SPATA3: variants seen among roughly 807,000 people sequenced by gnomAD.
The protein encoded by SPATA3 is spermatogenesis-associated protein 3.
In SPATA3, 6 loss-of-function variants were observed where a neutral mutation model predicts 5.7. The observed-to-expected ratio is 1.06, with a 90% CI of 0.58 to 2.09. The LOEUF (loss-of-function observed/expected upper bound fraction) is 2.09. Ranked by LOEUF, SPATA3 falls within the 30% of genes most tolerant of loss-of-function variation. The pLI is 0.00. For missense variants in SPATA3, 155 were observed against 130.4 expected, an observed-to-expected ratio of 1.19 and a Z score of -0.92; for synonymous variants, 44 against 48.4, an observed-to-expected ratio of 0.91 and a Z score of 0.37.
chr2:231,016,881 T>C (rs992793876), intron 6 of SPATA3, among the ~76,000 whole-genome samples: 4 of 152,152 alleles, frequency 2.6e-5, no homozygotes, highest in African/African-American at 9.7e-5. Flanking sequence ...CCTTCTCTCC[T>C]CTCAATAGCT....
At chr2:231,005,493 CCACCATCAT>C (rs1692577636), downstream of SPATA3, among the ~76,000 whole-genome samples, 1 of 810 alleles carries the variant, frequency 1.2e-3, no homozygotes, top group African/African-American at 4.5e-3. Flanking sequence ...ACCACCATCA[CCACCATCAT>C]CACCACCACC....
At chr2:231,015,455 C>G (rs1324492380) in intron 6 of SPATA3, among the ~76,000 whole-genome samples, 1 of 152,048 alleles carries the variant, frequency 6.6e-6, no homozygotes, top group Non-Finnish European at 1.5e-5. Context: ...CAGAAATGCC[C>G]CGTGTACCAA....
At chr2:230,999,574 A>C (rs2136474) in intron 1 of SPATA3, 64,903 of 154,608 alleles carry the variant, frequency 0.42, 13,808 homozygotes, top group South Asian at 0.51. Flanking sequence ...TGTCAAGAAG[A>C]CGCAGGGCTA....
chr2:231,009,193 A>T (rs877793), downstream of SPATA3, among the ~76,000 whole-genome samples: 49,223 of 152,068 alleles, frequency 0.32, 8,109 homozygotes, highest in Non-Finnish European at 0.35. Flanking sequence ...CTGGGCAGCT[A>T]AAAACAGCAC....
Position 231,000,542 on chromosome 2 carries a change from C to T in SPATA3, c.962+5C>T, listed in dbSNP as rs1325927727. 1.3e-6 allele frequency: 2 copies of T among 1,513,922 alleles called. No homozygotes were observed. The highest frequency in any genetic ancestry group is 4.3e-5 in the Admixed American group (2 of 46,846). The allele number at this position is 1,513,922 out of a possible 1,614,324, so 93.8% of individuals were successfully genotyped here. ...CAACCTGCTCACCTTCTACAGGTTC[C>T]AAGCGCGAGGGGCTGGAGCCTCGGG... is the stretch of plus-strand genomic sequence containing the variant. On this transcript the variant is annotated splice_donor_5th_base_variant and intron_variant, in intron 2 of 2. Coordinates refer to ENST00000645363, the Ensembl canonical transcript of SPATA3.
exon 5 of SPATA3, chr2:231,012,675 T>C (rs1692818388): frequency 6.6e-6 from 1 of 152,202 alleles, no homozygotes. Flanking sequence ...TGAAAGAGAC[T>C]TGGGCTACTG....
intron 6 of SPATA3, among the ~76,000 whole-genome samples, chr2:231,018,610 G>A (rs1692990834): frequency 6.6e-6 from 1 of 152,132 alleles, no homozygotes; most frequent in South Asian, 2.1e-4. Context: ...CAGCAGGGGA[G>A]GGAGAGATAT....
downstream of SPATA3, among the ~76,000 whole-genome samples, chr2:231,005,362 C>T (rs2125109185): frequency 6.9e-6 from 1 of 144,004 alleles, no homozygotes; most frequent in Non-Finnish European, 1.5e-5. Context: ...TCACCACCAC[C>T]ACCATCATCA....
downstream of SPATA3, among the ~76,000 whole-genome samples, chr2:231,011,578 A>G (rs113791519): frequency 1.1e-4 from 17 of 151,868 alleles, no homozygotes; most frequent in African/African-American, 4.1e-4. Context: ...CCTGGTCTCC[A>G]TCCTCCCCAC....
chr2:231,018,163 G>T (rs12617863), intron 6 of SPATA3, among the ~76,000 whole-genome samples: 50,675 of 151,900 alleles, frequency 0.33, 8,701 homozygotes, highest in Non-Finnish European at 0.37. Flanking sequence ...GACCTCAGGT[G>T]ATCCGCCCGC....
At chr2:230,997,012 T>G (rs1692149357) in intron 1 of SPATA3, among the ~76,000 whole-genome samples, 1 of 152,172 alleles carries the variant, frequency 6.6e-6, no homozygotes. Context: ...GACCATTTAG[T>G]GTATGACAGT....
At chr2:230,998,271 T>C (rs1245104451) in intron 1 of SPATA3, among the ~76,000 whole-genome samples, 1 of 152,252 alleles carries the variant, frequency 6.6e-6, no homozygotes, top group Non-Finnish European at 1.5e-5. Context: ...GATCCTTCCA[T>C]GGCCAGGAAT....
chr2:231,018,214 C>T (rs897880206), intron 6 of SPATA3, among the ~76,000 whole-genome samples: 11 of 152,114 alleles, frequency 7.2e-5, no homozygotes, highest in East Asian at 1.9e-4. Context: ...CATGAGCCAC[C>T]GCACCCATCA....
downstream of SPATA3, among the ~76,000 whole-genome samples, chr2:231,009,681 C>T (rs535262583): frequency 3.3e-5 from 5 of 152,340 alleles, no homozygotes; most frequent in South Asian, 6.2e-4. Flanking sequence ...GACCACATGC[C>T]GGAGTCCCTG....
downstream of SPATA3, among the ~76,000 whole-genome samples, chr2:231,005,484 C>A (rs796619679): frequency 8.7e-5 from 1 of 11,514 alleles, no homozygotes; most frequent in Non-Finnish European, 1.8e-4. Context: ...ATCACCACCA[C>A]CACCATCACC....
intron 6 of SPATA3, among the ~76,000 whole-genome samples, chr2:231,018,065 C>T (rs1320755086): frequency 6.6e-6 from 1 of 152,088 alleles, no homozygotes; most frequent in Non-Finnish European, 1.5e-5. Flanking sequence ...GCTGGGATTA[C>T]AGGAGCACAC....
chr2:231,016,016 T>C (rs1692925341), intron 6 of SPATA3, among the ~76,000 whole-genome samples: 1 of 152,188 alleles, frequency 6.6e-6, no homozygotes, highest in Non-Finnish European at 1.5e-5. Flanking sequence ...CCTCACCTCT[T>C]TGGGCATGGG....
chr2:231,002,652 C>G, intron 2 of SPATA3, 32 bp from the exon 3 acceptor site: 2 of 1,385,368 alleles, frequency 1.4e-6, no homozygotes, highest in African/African-American at 3.0e-5. Flanking sequence ...AGCCCAGCTT[C>G]CCACCACCCC....
At chr2:231,007,790 G>A (rs963697579), downstream of SPATA3, among the ~76,000 whole-genome samples, 1 of 152,198 alleles carries the variant, frequency 6.6e-6, no homozygotes, top group Admixed American at 6.5e-5. Context: ...TCCTGAACAG[G>A]CGACTCGAAA....
Sources: allele counts gnomAD v4.1 joint callset (sites outside exome capture counted in the v4.1 genomes callset), GRCh38; gene constraint gnomAD v4.1.1; transcripts MANE v1.5; gene names NCBI Gene and HGNC (gene_info 2026-07-23, HGNC 2026-07-21).